CAMKMT: variants seen among roughly 807,000 people sequenced by gnomAD.
CAMKMT encodes the protein CaM KMT.
In CAMKMT, 53 loss-of-function variants were observed where a neutral mutation model predicts 48.0. That is an observed-to-expected ratio of 1.10 (90% CI 0.89 to 1.39). The LOEUF (loss-of-function observed/expected upper bound fraction) is 1.39. Ranked by LOEUF, CAMKMT falls within the 40% of genes most tolerant of loss-of-function variation. The probability of loss-of-function intolerance (pLI) is 0.00; values close to 1 mark genes in which losing one functional copy is unlikely to be tolerated. For missense variants in CAMKMT, 428 were observed against 402.7 expected, an observed-to-expected ratio of 1.06 and a Z score of -0.54; for synonymous variants, 165 against 152.3, an observed-to-expected ratio of 1.08 and a Z score of -0.61.
intron 1 of CAMKMT, among the ~76,000 whole-genome samples, chr2:44,372,079 T>A (rs374268732): frequency 1.1e-4 from 17 of 152,354 alleles, no homozygotes; most frequent in African/African-American, 4.1e-4. Context: ...CATAGGTTGT[T>A]AAAGAAGCAG....
At chr2:44,621,406 A>G (rs1239475751) in intron 3 of CAMKMT, among the ~76,000 whole-genome samples, 1 of 152,140 alleles carries the variant, frequency 6.6e-6, no homozygotes, top group Admixed American at 6.5e-5. Context: ...GTGAAAAGTA[A>G]GATACAAGAA....
At chr2:44,491,256 C>G (rs761335811) in intron 3 of CAMKMT, among the ~76,000 whole-genome samples, 1 of 151,554 alleles carries the variant, frequency 6.6e-6, no homozygotes, top group African/African-American at 2.4e-5. Flanking sequence ...GTGCCAATGG[C>G]TGGAGGGGAT....
At chr2:44,478,732 G>T (rs1251263664) in intron 3 of CAMKMT, among the ~76,000 whole-genome samples, 1 of 138,010 alleles carries the variant, frequency 7.2e-6, no homozygotes, top group Non-Finnish European at 1.5e-5. Context: ...GAGGCGTCTC[G>T]CTCTGTCGCC....
chr2:44,664,273 A>G (rs1674839064), intron 3 of CAMKMT, among the ~76,000 whole-genome samples: 1 of 152,374 alleles, frequency 6.6e-6, no homozygotes, highest in Middle Eastern at 3.4e-3. Context: ...AATGAGGCTA[A>G]TGATGCCTTA....
chr2:44,634,917 G>A (rs1361493435), intron 3 of CAMKMT, among the ~76,000 whole-genome samples: 1 of 151,544 alleles, frequency 6.6e-6, no homozygotes, highest in Non-Finnish European at 1.5e-5. Context: ...TTTAATAAAT[G>A]TGTCTGTAGG....
intron 1 of CAMKMT, among the ~76,000 whole-genome samples, chr2:44,369,323 C>G (rs1470104477): frequency 6.6e-6 from 1 of 152,156 alleles, no homozygotes; most frequent in Non-Finnish European, 1.5e-5. Flanking sequence ...AAACATTTTT[C>G]CTATGAAATA....
chr2:44,672,385 G>A (rs1035577465), intron 3 of CAMKMT, among the ~76,000 whole-genome samples: 3 of 151,796 alleles, frequency 2.0e-5, no homozygotes, highest in Admixed American at 6.6e-5. Context: ...TCTAGTTTTC[G>A]TGGCTAAAAT....
chr2:44,399,690 A>G (rs1207459758), intron 3 of CAMKMT, among the ~76,000 whole-genome samples: 1 of 151,924 alleles, frequency 6.6e-6, no homozygotes, highest in East Asian at 1.9e-4. Context: ...CTTGTCTTCC[A>G]TTTTATCCCC....
At chr2:44,546,170 C>CACACACACACACAT (rs1667388509) in intron 3 of CAMKMT, among the ~76,000 whole-genome samples, 1 of 122,724 alleles carries the variant, frequency 8.1e-6, no homozygotes, top group African/African-American at 3.0e-5. Context: ...CACACACACA[C>CACACACACACACAT]ACACACACAC....
intron 3 of CAMKMT, among the ~76,000 whole-genome samples, chr2:44,622,729 C>T (rs1672267480): frequency 2.0e-5 from 3 of 152,166 alleles, no homozygotes; most frequent in African/African-American, 4.8e-5. Flanking sequence ...TTTCTTTATC[C>T]AGTCCACTGT....
intron 3 of CAMKMT, among the ~76,000 whole-genome samples, chr2:44,563,678 G>A (rs571553711): frequency 5.9e-5 from 9 of 151,932 alleles, no homozygotes; most frequent in Non-Finnish European, 8.8e-5. Context: ...CTGTGTCCAA[G>A]TGTTCTCATT....
At chr2:44,740,352 G>T (rs1346275176) in intron 7 of CAMKMT, among the ~76,000 whole-genome samples, 2 of 151,920 alleles carry the variant, frequency 1.3e-5, no homozygotes, top group Admixed American at 6.6e-5. Context: ...CTAGTCTCGA[G>T]CTCCTAGGCT....
intron 3 of CAMKMT, among the ~76,000 whole-genome samples, chr2:44,553,611 T>C (rs1160427548): frequency 6.6e-6 from 1 of 152,182 alleles, no homozygotes; most frequent in Non-Finnish European, 1.5e-5. Context: ...TCTACCCAAC[T>C]CAGCTTCCCA....
At chr2:44,648,733 A>G (rs1673892687) in intron 3 of CAMKMT, among the ~76,000 whole-genome samples, 1 of 152,226 alleles carries the variant, frequency 6.6e-6, no homozygotes, top group Admixed American at 6.5e-5. Context: ...TAATCAGACT[A>G]ATGCTACCTT....
At chr2:44,503,805 C>T (rs897867810) in intron 3 of CAMKMT, among the ~76,000 whole-genome samples, 1 of 152,152 alleles carries the variant, frequency 6.6e-6, no homozygotes, top group African/African-American at 2.4e-5. Flanking sequence ...TCTCACACTT[C>T]TGGAGGCTAG....
In CAMKMT at chr2:44,370,211, G is replaced by T. The variant is rs192967617; in HGVS notation, c.139-2505G>T. 5.3e-4 allele frequency among the ~76,000 whole-genome samples: 80 copies of T among 152,306 alleles called. 1 individual carries two copies. In the East Asian group the frequency reaches 0.014, roughly 26 times the overall value. On this transcript the variant is annotated intron_variant, in intron 1 of 10. Transcript: ENST00000378494. Reference sequence around the variant, plus strand: ...TCACGTAGTAGGTATCTATCCCATAGTGTTGTTTGAGTATTTAATGAAGAA... The same window carrying T: ...TCACGTAGTAGGTATCTATCCCATATTGTTGTTTGAGTATTTAATGAAGAA...
intron 3 of CAMKMT, among the ~76,000 whole-genome samples, chr2:44,390,515 AGG>A: frequency 8.2e-6 from 1 of 122,618 alleles, no homozygotes; most frequent in Non-Finnish European, 1.7e-5. Flanking sequence ...TAAACTTCGC[AGG>A]TGTGTGTGTG....
chr2:44,688,780 G>A (rs1676476501), intron 3 of CAMKMT, among the ~76,000 whole-genome samples: 1 of 152,186 alleles, frequency 6.6e-6, no homozygotes, highest in Admixed American at 6.5e-5. Flanking sequence ...TAAATGCAGT[G>A]TGATATGCTG....
intron 3 of CAMKMT, among the ~76,000 whole-genome samples, chr2:44,598,188 C>G (rs769607389): frequency 1.3e-5 from 2 of 151,960 alleles, no homozygotes; most frequent in East Asian, 3.8e-4. Flanking sequence ...TGTTCATAGC[C>G]TACACTTGTA....
Sources: allele counts gnomAD v4.1 joint callset (sites outside exome capture counted in the v4.1 genomes callset), GRCh38; gene constraint gnomAD v4.1.1; transcripts MANE v1.5; gene names NCBI Gene and HGNC (gene_info 2026-07-23, HGNC 2026-07-21).